The following CCDC85C variants were observed in gnomAD, a reference collection of about 807,000 sequenced individuals.
CCDC85C encodes coiled-coil domain-containing protein 85C.
CCDC85C carries 18 observed loss-of-function variants against 38.3 expected under a neutral mutation model. That is an observed-to-expected ratio of 0.47 (90% CI 0.33 to 0.70). CCDC85C has a LOEUF of 0.70. CCDC85C is among the 30% of genes least tolerant of loss of function. CCDC85C has a pLI of 0.03. For synonymous variants in CCDC85C, 264 were observed against 293.8 expected (o/e 0.90, Z 1.04); for missense variants, 566 against 621.2 (o/e 0.91, Z 0.94).
chr14:99,568,246 C>CTTTTTT (rs776784723), intron 1 of CCDC85C, among the ~76,000 whole-genome samples: 4,969 of 113,078 alleles, frequency 0.044, 694 homozygotes, highest in South Asian at 0.057. Context: ...GCCACCTGCC[C>CTTTTTT]TTTATTTTTT....
intron 1 of CCDC85C, among the ~76,000 whole-genome samples, chr14:99,562,760 C>T (rs1044101257): frequency 5.3e-5 from 8 of 151,734 alleles, no homozygotes; most frequent in Non-Finnish European, 8.8e-5. Context: ...CATGCACACA[C>T]GTGTGTACAA....
At chr14:99,518,449 C>A (rs1439307000) in intron 3 of CCDC85C, among the ~76,000 whole-genome samples, 2 of 152,198 alleles carry the variant, frequency 1.3e-5, no homozygotes, top group African/African-American at 4.8e-5. Context: ...CTCGTCTGGA[C>A]AATAGAAAGG....
Position 99,502,512 on chromosome 14 carries a change from TTATC to T in CCDC85C, c.*12730_*12733del, listed in dbSNP as rs1369177020. 7 of 1,377,440 alleles carry T rather than the reference TTATC, an allele frequency of 5.1e-6. No homozygotes were observed. Among genetic ancestry groups the T allele is most frequent in the Non-Finnish European group, 6.8e-6 (7 of 1,030,350 alleles). The allele number at this position is 1,377,440 out of a possible 1,614,324, so 85.3% of individuals were successfully genotyped here. On this transcript the variant is annotated 3_prime_UTR_variant, in exon 6 of 6. Transcript: ENST00000380243. ...TATTTCAGAAGCATCATTAATTAAA[TTATC>T]TAATAGTTTCCACTTTGTCCAAACA...
intron 1 of CCDC85C, among the ~76,000 whole-genome samples, chr14:99,578,890 A>G (rs1473854762): frequency 1.3e-5 from 2 of 151,540 alleles, no homozygotes; most frequent in Non-Finnish European, 2.9e-5. Flanking sequence ...TCTAGGTGAC[A>G]GGTGGATGTG....
intron 1 of CCDC85C, among the ~76,000 whole-genome samples, chr14:99,559,955 T>C (rs989563286): frequency 4.0e-5 from 6 of 151,880 alleles, no homozygotes; most frequent in African/African-American, 7.3e-5. Flanking sequence ...GTTTTTCTTC[T>C]ACATTTCCCC....
At chr14:99,542,691 C>A (rs1897736316) in intron 1 of CCDC85C, among the ~76,000 whole-genome samples, 1 of 152,214 alleles carries the variant, frequency 6.6e-6, no homozygotes. Flanking sequence ...CCACACTGGC[C>A]ACACATCCTG....
chr14:99,566,759 A>G (rs1898222716), intron 1 of CCDC85C, among the ~76,000 whole-genome samples: 1 of 152,162 alleles, frequency 6.6e-6, no homozygotes, highest in East Asian at 1.9e-4. Context: ...ATTTGGCATG[A>G]ACCACCCCAT....
Position 99,569,125 on chromosome 14 carries a change from C to T in CCDC85C, c.794-33037G>A, listed in dbSNP as rs1898282850. Among the ~76,000 whole-genome samples the T allele has an allele frequency of 1.3e-5, 2 of 152,162 alleles. No individual in the cohort carries two copies. Among genetic ancestry groups the T allele is most frequent in the African/African-American group, 2.4e-5 (1 of 41,430 alleles). On this transcript the variant is annotated intron_variant, in intron 1 of 5. Coordinates refer to ENST00000380243, the MANE Select transcript of CCDC85C (RefSeq NM_001144995.2). The surrounding 1 kb of genome is among the most constrained non-coding windows in gnomAD (Gnocchi z 4.3). ...TGTGTCCTCACTGTCTGCCAAGCCC[C>T]GTCCCCAGACCTAGCCACAGCAATA...
intron 1 of CCDC85C, among the ~76,000 whole-genome samples, chr14:99,549,844 A>G (rs1298332176): frequency 6.6e-6 from 1 of 152,240 alleles, no homozygotes; most frequent in Non-Finnish European, 1.5e-5. Flanking sequence ...CCAGCCGTGG[A>G]GAAGGACCAG....
In CCDC85C at chr14:99,544,136, C is replaced by G. The variant is rs1395584603; in HGVS notation, c.794-8048G>C. 1.3e-5 allele frequency among the ~76,000 whole-genome samples: 2 copies of G among 152,196 alleles called. No homozygotes were observed. Among genetic ancestry groups the G allele is most frequent in the Admixed American group, 6.5e-5 (1 of 15,276 alleles). ...CAAGCTGACGAGGGACATCCTGTAA[C>G]TGCTACCACTGTGTCATCGACAAGG... On this transcript the variant is annotated intron_variant, in intron 1 of 5. Transcript: ENST00000380243. This position sits in a 1 kb window ranked among gnomAD's most constrained non-coding sequence, Gnocchi z 5.3.
rs547416829 is a variant in CCDC85C, at chr14:99,516,041, G to A, written c.1170+147C>T. 2.8e-3 allele frequency: 1,934 copies of A among 681,900 alleles called. 16 individuals carry two copies. Among genetic ancestry groups the A allele is most frequent in the Non-Finnish European group, 2.3e-3 (892 of 386,350 alleles). The allele number at this position is 681,900 out of a possible 1,614,324, so 42.2% of individuals were successfully genotyped here. ...GGGCCAGGGCTCCTAGCACCTCTGA[G>A]GCCTCCCCCCAGCTATCCAAGGTCA... On this transcript the variant is annotated intron_variant, in intron 5 of 5. Transcript: ENST00000380243. This position sits in a 1 kb window ranked among gnomAD's most constrained non-coding sequence, Gnocchi z 5.5.
At position 99,513,287 on chromosome 14, in the gene CCDC85C, T is replaced by C. The variant is rs1433885946; in HGVS notation, c.*1959A>G. The C allele has an allele frequency of 6.6e-6, 1 of 152,214 alleles. No individual in the cohort carries two copies. Among genetic ancestry groups the C allele is most frequent in the Non-Finnish European group, 1.5e-5 (1 of 68,036 alleles). The allele number at this position is 152,214 out of a possible 1,614,324, so 9.4% of individuals were successfully genotyped here. On this transcript the variant is annotated 3_prime_UTR_variant, in exon 6 of 6. Transcript: ENST00000380243. ...CAAAATGGACCCACAGCCCTTGGGC[T>C]ACTCTGCGGTTCTTTGGACTGCAAG...
intron 1 of CCDC85C, among the ~76,000 whole-genome samples, chr14:99,564,932 C>T (rs1402460002): frequency 6.6e-6 from 1 of 152,200 alleles, no homozygotes; most frequent in Non-Finnish European, 1.5e-5. Context: ...GTGCACTCGT[C>T]CATGGAAGCT....
chr14:99,554,145 C>A (rs1245040101), intron 1 of CCDC85C, among the ~76,000 whole-genome samples: 1 of 152,158 alleles, frequency 6.6e-6, no homozygotes, highest in Non-Finnish European at 1.5e-5. Context: ...AGCTTCAGTC[C>A]CCTGCCCCAT....
At chr14:99,534,879 G>A (rs2139916808) in intron 2 of CCDC85C, 1 of 613,558 alleles carries the variant, frequency 1.6e-6, no homozygotes. Context: ...GCCATTCAGA[G>A]CTTGGCTGTG....
chr14:99,543,501 G>A (rs1471130769), intron 1 of CCDC85C, among the ~76,000 whole-genome samples: 1 of 152,172 alleles, frequency 6.6e-6, no homozygotes, highest in African/African-American at 2.4e-5. Context: ...CCAGGAGAGA[G>A]GGGCAGAGAA....
Position 99,501,458 on chromosome 14 carries a change from G to A in CCDC85C, c.*13788C>T, listed in dbSNP as rs1213748975. ...GATTAATTACAGTATTTTAAAATAG[G>A]CAGAGACTTTATGGACCATTTCATC... On this transcript the variant is annotated 3_prime_UTR_variant, in exon 6 of 6. Transcript: ENST00000380243. The A allele has an allele frequency of 7.9e-7, 1 of 1,268,218 alleles. No homozygotes were observed. Among genetic ancestry groups the A allele is most frequent in the Non-Finnish European group, 1.1e-6 (1 of 870,162 alleles). 78.6% of individuals were successfully genotyped at this position (1,268,218 alleles called of 1,614,324 possible). A position where few individuals can be genotyped will look rare whatever the true frequency, so the allele number is the denominator to read the frequency against.
At chr14:99,566,360 C>G (rs1158165122) in intron 1 of CCDC85C, among the ~76,000 whole-genome samples, 1 of 152,224 alleles carries the variant, frequency 6.6e-6, no homozygotes, top group East Asian at 1.9e-4. Context: ...AAGCTCTGGA[C>G]AGTGCTGTAA....
At chr14:99,594,803 G>A (rs2055126368) in intron 1 of CCDC85C, among the ~76,000 whole-genome samples, 1 of 152,148 alleles carries the variant, frequency 6.6e-6, no homozygotes, top group Non-Finnish European at 1.5e-5. Flanking sequence ...GAAGCCACTG[G>A]TTCTGTCTGG....
Sources: gnomAD v4.1 joint callset for allele counts (sites outside exome capture counted in the v4.1 genomes callset) on GRCh38, gnomAD v4.1.1 for gene constraint, Gnocchi (gnomAD v3.1) non-coding constraint, MANE v1.5 for transcripts, NCBI Gene and HGNC (gene_info 2026-07-23, HGNC 2026-07-21) for gene names.